Variants in PDE1A observed in about 807,000 individuals in gnomAD.
PDE1A encodes phosphodiesterase 1A.
A neutral mutation model predicts 61.7 loss-of-function variants in PDE1A; 35 were observed. The observed-to-expected ratio is 0.57, with a 90% CI of 0.43 to 0.75. PDE1A has a LOEUF of 0.75. PDE1A is among the 30% of genes least tolerant of loss of function. The pLI is 0.00. For missense variants in PDE1A, 597 were observed against 630.6 expected (o/e 0.95, Z 0.57); for synonymous variants, 232 against 213.2 (o/e 1.09, Z -0.77).
chr2:182,205,377 G>A (rs1687012069), intron 8 of PDE1A, among the ~76,000 whole-genome samples: 1 of 151,272 alleles, frequency 6.6e-6, no homozygotes, highest in South Asian at 2.1e-4. Flanking sequence ...GAGGGATGGG[G>A]GTACATCTTG....
At chr2:182,499,995 A>C (rs1183582915) in intron 2 of PDE1A, among the ~76,000 whole-genome samples, 1 of 152,174 alleles carries the variant, frequency 6.6e-6, no homozygotes, top group Non-Finnish European at 1.5e-5. Context: ...AAACAATACA[A>C]TACCAATTAA....
the PDE1A span, among the ~76,000 whole-genome samples, chr2:182,547,255 G>C: frequency 6.6e-6 from 1 of 152,080 alleles, no homozygotes; most frequent in Non-Finnish European, 1.5e-5. Context: ...TGTTCTAAAC[G>C]ATCAGCCTAC....
At chr2:182,269,653 G>A (rs1186509055) in intron 1 of PDE1A, among the ~76,000 whole-genome samples, 1 of 151,984 alleles carries the variant, frequency 6.6e-6, no homozygotes, top group Admixed American at 6.6e-5. Flanking sequence ...TTGAGGAGGA[G>A]GAGTTCTATT....
chr2:182,368,653 G>T (rs1699969224), intron 1 of PDE1A, among the ~76,000 whole-genome samples: 1 of 152,012 alleles, frequency 6.6e-6, no homozygotes, highest in East Asian at 1.9e-4. Context: ...AGAGCTTTAT[G>T]CAATCTCATG....
the PDE1A span, among the ~76,000 whole-genome samples, chr2:182,575,351 C>G: frequency 6.6e-6 from 1 of 151,938 alleles, no homozygotes; most frequent in Non-Finnish European, 1.5e-5. Flanking sequence ...GTCAATCACC[C>G]CAGCCAACAC....
intron 13 of PDE1A, chr2:182,168,293 G>GAAA: frequency 1.1e-5 from 15 of 1,313,626 alleles, no homozygotes; most frequent in Admixed American, 4.8e-5. Flanking sequence ...TCTTGCTTCT[G>GAAA]AAAAAAAAAA....
chr2:182,167,964 C>T lies in PDE1A; in HGVS notation c.*283G>A, dbSNP rs1042477480. 14 of 1,180,278 alleles carry T rather than the reference C, an allele frequency of 1.2e-5. No homozygotes were observed. In the South Asian group the frequency reaches 2.6e-4, roughly 22 times the overall value. The allele number at this position is 1,180,278 out of a possible 1,614,324, so 73.1% of individuals were successfully genotyped here. Reference sequence around the variant, plus strand: ...TGCTCAAAGAAAATTTATTGGCACTCGGTAAAGACAAATGCCACAAAATGC... The same window carrying T: ...TGCTCAAAGAAAATTTATTGGCACTTGGTAAAGACAAATGCCACAAAATGC... On this transcript the variant is annotated 3_prime_UTR_variant, in exon 14 of 14. Transcript: ENST00000351439.
intron 2 of PDE1A, among the ~76,000 whole-genome samples, chr2:182,455,553 T>C (rs1354810969): frequency 1.3e-5 from 2 of 152,114 alleles, no homozygotes; most frequent in African/African-American, 2.4e-5. Flanking sequence ...GAGGCACATA[T>C]ACACCATGGA....
the PDE1A span, among the ~76,000 whole-genome samples, chr2:182,549,423 G>A: frequency 3.3e-5 from 5 of 152,178 alleles, 1 homozygote; most frequent in African/African-American, 1.2e-4. Context: ...TAAATCAGGA[G>A]TTAATGGTAA....
At chr2:182,398,195 G>A (rs1701814688) in intron 1 of PDE1A, among the ~76,000 whole-genome samples, 1 of 151,900 alleles carries the variant, frequency 6.6e-6, no homozygotes, top group Non-Finnish European at 1.5e-5. Flanking sequence ...AACAGTTTTT[G>A]TTTAAAATGT....
intron 1 of PDE1A, among the ~76,000 whole-genome samples, chr2:182,268,346 G>T (rs1054468272): frequency 6.6e-6 from 1 of 151,898 alleles, no homozygotes; most frequent in African/African-American, 2.4e-5. Context: ...ACTGCACCTA[G>T]GGCTGTGTAA....
At chr2:182,424,365 A>G (rs1341724598) in intron 1 of PDE1A, among the ~76,000 whole-genome samples, 1 of 152,226 alleles carries the variant, frequency 6.6e-6, no homozygotes, top group Admixed American at 6.5e-5. Context: ...ACACTGGTAC[A>G]GATTTGCCTG....
In PDE1A at chr2:182,151,623, G is replaced by A. The variant is rs186446931; in HGVS notation, c.1517-4471C>T. On this transcript the variant is annotated intron_variant, in intron 13 of 13. Transcript: ENST00000409365. ...GTATTCATATGCCACCTGTCCTCTC[G>A]CTTACCTAATATTTTTCTTTAAATA... is the stretch of plus-strand genomic sequence containing the variant. Among the ~76,000 whole-genome samples the A allele has an allele frequency of 4.1e-3, 621 of 152,094 alleles. 3 individuals carry two copies. The highest frequency in any genetic ancestry group is 6.1e-3 in the Non-Finnish European group (412 of 67,990).
chr2:182,598,789 G>A, the PDE1A span, among the ~76,000 whole-genome samples: 1 of 152,168 alleles, frequency 6.6e-6, no homozygotes, highest in South Asian at 2.1e-4. Flanking sequence ...CTGAGCATGT[G>A]TATTACAGTT....
chr2:182,394,313 G>C (rs951428293), intron 1 of PDE1A, among the ~76,000 whole-genome samples: 8 of 152,178 alleles, frequency 5.3e-5, no homozygotes, highest in Non-Finnish European at 1.2e-4. Context: ...AGCCAACAGA[G>C]AGCATGCAGG....
chr2:182,586,336 C>T, the PDE1A span, among the ~76,000 whole-genome samples: 6 of 152,180 alleles, frequency 3.9e-5, no homozygotes, highest in African/African-American at 1.4e-4. Context: ...TTGTGCACTA[C>T]TCTACTCAGC....
At chr2:182,634,823 T>C in the PDE1A span, among the ~76,000 whole-genome samples, 1 of 152,246 alleles carries the variant, frequency 6.6e-6, no homozygotes, top group Non-Finnish European at 1.5e-5. Context: ...ACAGCATATA[T>C]GGATGATGAT....
chr2:182,671,760 C>T, the PDE1A span, among the ~76,000 whole-genome samples: 7 of 151,122 alleles, frequency 4.6e-5, no homozygotes, highest in Non-Finnish European at 2.9e-5. Flanking sequence ...GCTGGTACTA[C>T]AGGCACCTGC....
intron 13 of PDE1A, among the ~76,000 whole-genome samples, chr2:182,180,334 T>C (rs1464874118): frequency 6.6e-6 from 1 of 152,166 alleles, no homozygotes; most frequent in African/African-American, 2.4e-5. Flanking sequence ...AAATTCTACT[T>C]ATTTCTAATA....
Sources: gnomAD v4.1 joint callset for allele counts (sites outside exome capture counted in the v4.1 genomes callset) on GRCh38, gnomAD v4.1.1 for gene constraint, MANE v1.5 for transcripts, NCBI Gene and HGNC (gene_info 2026-07-23, HGNC 2026-07-21) for gene names.